IRAK2: variants seen among roughly 807,000 people sequenced by gnomAD.
IRAK2 encodes interleukin 1 receptor associated kinase 2.
Under a neutral mutation model 72.0 loss-of-function variants are expected in IRAK2, and 57 were observed. The observed-to-expected ratio is 0.79, with a 90% CI of 0.64 to 0.99. IRAK2 has a LOEUF of 0.99. IRAK2 is among the 50% of genes least tolerant of loss of function. IRAK2 has a pLI of 0.00. For missense variants in IRAK2, 790 were observed against 794.4 expected (o/e 0.99, Z 0.07); for synonymous variants, 293 against 312.7 (o/e 0.94, Z 0.67).
chr3:10,170,456 C>T (rs1696777535), intron 1 of IRAK2, among the ~76,000 whole-genome samples: 1 of 152,222 alleles, frequency 6.6e-6, no homozygotes, highest in South Asian at 2.1e-4. Flanking sequence ...CACAGTCCTT[C>T]AGGTAAGCTC....
intron 2 of IRAK2, among the ~76,000 whole-genome samples, chr3:10,183,554 AAAAC>A (rs1366358589): frequency 3.9e-5 from 6 of 152,006 alleles, no homozygotes; most frequent in Non-Finnish European, 5.9e-5. Context: ...TGCCTCTACT[AAAAC>A]AAACAAACAA....
At chr3:10,173,927 C>A (rs1014273607) in intron 1 of IRAK2, among the ~76,000 whole-genome samples, 4 of 152,206 alleles carry the variant, frequency 2.6e-5, no homozygotes, top group African/African-American at 9.6e-5. Flanking sequence ...AGCTGGAAGG[C>A]ACCTTAGAGT....
chr3:10,197,103 C>T lies in IRAK2; in HGVS notation c.278-3266C>T, dbSNP rs79790227. 6.4e-3 allele frequency among the ~76,000 whole-genome samples: 980 copies of T among 152,066 alleles called. 8 individuals are homozygous for T. The highest frequency in any genetic ancestry group is 0.023 in the African/African-American group (957 of 41,478). ...ACCCCACAATATAAAACAGGCCAGGCGCGGTGGCTCATGTCTGTAATCCCA... is the reference window on the plus strand; with the variant it reads ...ACCCCACAATATAAAACAGGCCAGGTGCGGTGGCTCATGTCTGTAATCCCA... On this transcript the variant is annotated intron_variant, in intron 2 of 12. Transcript: ENST00000256458.
At chr3:10,200,271 C>G in intron 2 of IRAK2, 98 bp from the exon 3 acceptor site, 1 of 1,090,148 alleles carries the variant, frequency 9.2e-7, no homozygotes, top group Non-Finnish European at 1.3e-6. Flanking sequence ...GTGGCAGAGC[C>G]AGAATTAGAA....
intron 2 of IRAK2, among the ~76,000 whole-genome samples, chr3:10,181,559 A>G (rs576658816): frequency 6.6e-6 from 1 of 152,232 alleles, no homozygotes; most frequent in South Asian, 2.1e-4. Flanking sequence ...GAGATTGCAC[A>G]CTGCACTCCA....
intron 11 of IRAK2, among the ~76,000 whole-genome samples, chr3:10,237,990 C>A (rs1426269239): frequency 2.1e-5 from 3 of 145,512 alleles, no homozygotes; most frequent in African/African-American, 5.1e-5. Context: ...TCCTTCCTTG[C>A]TTCCGTCTAA....
At chr3:10,195,950 G>T (rs959520560) in intron 2 of IRAK2, among the ~76,000 whole-genome samples, 6 of 152,158 alleles carry the variant, frequency 3.9e-5, no homozygotes, top group African/African-American at 1.4e-4. Flanking sequence ...GGGGAGGCTG[G>T]GAAAGATGAG....
intron 2 of IRAK2, among the ~76,000 whole-genome samples, chr3:10,187,216 A>G (rs1347963358): frequency 5.4e-5 from 8 of 147,718 alleles, no homozygotes; most frequent in African/African-American, 1.9e-4. Context: ...CATTTCTTCC[A>G]TAAGCTATAG....
At chr3:10,166,382 C>A (rs2125137668) in intron 1 of IRAK2, among the ~76,000 whole-genome samples, 1 of 152,320 alleles carries the variant, frequency 6.6e-6, no homozygotes, top group African/African-American at 2.4e-5. Context: ...TGACGGATGA[C>A]TGGCGGAGAG....
intron 7 of IRAK2, among the ~76,000 whole-genome samples, chr3:10,218,102 G>T (rs368745619): frequency 6.6e-6 from 1 of 152,066 alleles, no homozygotes; most frequent in African/African-American, 2.4e-5. Context: ...GTTCTTAGAG[G>T]ATGTGGGACC....
At chr3:10,214,830 C>T (rs1178282189) in intron 6 of IRAK2, among the ~76,000 whole-genome samples, 1 of 152,100 alleles carries the variant, frequency 6.6e-6, no homozygotes, top group East Asian at 1.9e-4. Context: ...CATGGTGGCT[C>T]GCACCTATAA....
chr3:10,177,641 G>T (rs572636257), intron 1 of IRAK2, among the ~76,000 whole-genome samples, 197 bp from the exon 2 acceptor site: 1 of 152,288 alleles, frequency 6.6e-6, no homozygotes, highest in African/African-American at 2.4e-5. Flanking sequence ...CATATGTACT[G>T]GACCCCATGG....
intron 9 of IRAK2, among the ~76,000 whole-genome samples, chr3:10,224,338 A>C (rs1184380674): frequency 1.1e-5 from 1 of 92,778 alleles, no homozygotes; most frequent in South Asian, 6.1e-4. Flanking sequence ...TTCTGTCTCA[A>C]AAAAAAAAAA....
intron 2 of IRAK2, among the ~76,000 whole-genome samples, chr3:10,192,122 G>GGAA (rs1697185496): frequency 2.6e-5 from 4 of 152,182 alleles, no homozygotes; most frequent in African/African-American, 7.2e-5. Flanking sequence ...AGGAGGGAAA[G>GGAA]GAAAAGAGAG....
intron 3 of IRAK2, among the ~76,000 whole-genome samples, chr3:10,200,834 A>G (rs543720969): frequency 1.3e-5 from 2 of 152,306 alleles, no homozygotes; most frequent in Admixed American, 1.3e-4. Flanking sequence ...CCAGGAGTGC[A>G]AGGCTGTGGT....
In IRAK2 at chr3:10,226,366, T is replaced by A; in HGVS notation, c.1210-5T>A. 1 of 1,612,934 alleles carries A rather than the reference T, an allele frequency of 6.2e-7. No individual in the cohort carries two copies. Among genetic ancestry groups the A allele is most frequent in the Non-Finnish European group, 8.5e-7 (1 of 1,179,276 alleles). Reference sequence around the variant, plus strand: ...CCATGCTAACTCACGTTCTGTTCTCTCCAGGTGTTGGCCGAGGTCCTCACG... The same window carrying A: ...CCATGCTAACTCACGTTCTGTTCTCACCAGGTGTTGGCCGAGGTCCTCACG... On this transcript the variant is annotated splice_polypyrimidine_tract_variant and splice_region_variant and intron_variant, in intron 9 of 12. Coordinates refer to ENST00000256458, the MANE Select transcript of IRAK2 (RefSeq NM_001570.4).
intron 12 of IRAK2, among the ~76,000 whole-genome samples, chr3:10,239,973 C>A (rs186317144): frequency 6.6e-6 from 1 of 150,594 alleles, no homozygotes; most frequent in Non-Finnish European, 1.5e-5. Context: ...ATGGTGAAAC[C>A]CTGTCTCTAC....
At chr3:10,180,627 G>T (rs950390721) in intron 2 of IRAK2, among the ~76,000 whole-genome samples, 11 of 152,024 alleles carry the variant, frequency 7.2e-5, no homozygotes, top group African/African-American at 2.4e-4. Flanking sequence ...GGAACCACCT[G>T]GCTGGACCAT....
At chr3:10,190,194 A>G (rs909794699) in intron 2 of IRAK2, among the ~76,000 whole-genome samples, 5 of 149,870 alleles carry the variant, frequency 3.3e-5, no homozygotes, top group African/African-American at 9.9e-5. Context: ...CCCATCTGGA[A>G]AATGGGTAAA....
Sources: gnomAD v4.1 joint callset for allele counts (sites outside exome capture counted in the v4.1 genomes callset) on GRCh38, gnomAD v4.1.1 for gene constraint, MANE v1.5 for transcripts, NCBI Gene and HGNC (gene_info 2026-07-23, HGNC 2026-07-21) for gene names.